The following GRK1 variants were observed in gnomAD, a reference collection of about 807,000 sequenced individuals.
The protein encoded by GRK1 is rhodopsin kinase GRK1.
Under a neutral mutation model 41.7 loss-of-function variants are expected in GRK1, and 28 were observed. That is an observed-to-expected ratio of 0.67 (90% CI 0.50 to 0.92). GRK1 has a LOEUF of 0.92. Among genes scored for constraint, GRK1 ranks in the 40% least tolerant of loss-of-function variants. The pLI, the probability that GRK1 is intolerant of heterozygous loss-of-function variation, is 0.00. For missense variants in GRK1, 703 were observed against 671.2 expected (o/e 1.05, Z -0.52); for synonymous variants, 327 against 286.7 (o/e 1.14, Z -1.42).
chr13:113,733,872 T>C (rs1309217537), intron 6 of GRK1, among the ~76,000 whole-genome samples: 3 of 121,614 alleles, frequency 2.5e-5, no homozygotes, highest in Admixed American at 8.1e-5. Context: ...CGTGTGTGCG[T>C]GTGTGCATAC....
intron 4 of GRK1, among the ~76,000 whole-genome samples, chr13:113,728,027 G>A (rs1322489981): frequency 1.3e-5 from 1 of 79,836 alleles, no homozygotes; most frequent in Non-Finnish European, 2.3e-5. Flanking sequence ...GAGTACCCAT[G>A]GCGATGAGGA....
At chr13:113,658,018 G>GA in the GRK1 span, 1 of 1,582,934 alleles carries the variant, frequency 6.3e-7, no homozygotes, top group Non-Finnish European at 8.6e-7. Flanking sequence ...CAGCCGGCCC[G>GA]CCCCCCGCAC....
At position 113,731,483 on chromosome 13, in the gene GRK1, C is replaced by T. The variant is rs999086411; in HGVS notation, c.1194+140C>T. On this transcript the variant is annotated intron_variant, in intron 5 of 6. Transcript: ENST00000335678. The surrounding 1 kb of genome is among the most constrained non-coding windows in gnomAD (Gnocchi z 5.6). ...CTGGGGTGGGGAGGGCACAGATTCA[C>T]GTGCTGGGGTCTTGCTCCTGGGCCA... 77 of 1,234,810 alleles carry T rather than the reference C, an allele frequency of 6.2e-5. No homozygotes were observed. Among genetic ancestry groups the T allele is most frequent in the Non-Finnish European group, 7.7e-5 (70 of 904,928 alleles). The allele number at this position is 1,234,810 out of a possible 1,614,324, so 76.5% of individuals were successfully genotyped here.
the GRK1 span, chr13:113,651,736 G>T: frequency 2.5e-6 from 4 of 1,613,472 alleles, no homozygotes; most frequent in Non-Finnish European, 3.4e-6. Context: ...ATCTAGAAGG[G>T]AAAAGCTTGA....
In GRK1 at chr13:113,731,396, G is replaced by C. The variant is rs189055264; in HGVS notation, c.1194+53G>C. 9.4e-5 allele frequency: 144 copies of C among 1,534,406 alleles called. No homozygotes were observed. In the African/African-American group the frequency reaches 1.8e-3, roughly 19 times the overall value. ...CAGCCACCTTGGCGCCCTGGCTCTC[G>C]ATGGGGACGGGGCAGTGATGGGATC... On this transcript the variant is annotated intron_variant, in intron 5 of 6. Transcript: ENST00000335678. The surrounding 1 kb of genome is among the most constrained non-coding windows in gnomAD (Gnocchi z 5.6).
the GRK1 span, among the ~76,000 whole-genome samples, chr13:113,654,299 G>C: frequency 6.6e-6 from 1 of 152,204 alleles, no homozygotes; most frequent in Non-Finnish European, 1.5e-5. Flanking sequence ...GCACACCGAT[G>C]GGGACGTCTG....
At position 113,668,342 on chromosome 13, in the gene GRK1, G is replaced by A. The variant is rs117198138; in HGVS notation, c.699+257G>A. On this transcript the variant is annotated intron_variant, in intron 1 of 6. Transcript: ENST00000335678. ...TGGGGACGTGCCACGTTCACTCGTCGGTTTTTCACCAACCACAGACTAGCC... is the reference window on the plus strand; with the variant it reads ...TGGGGACGTGCCACGTTCACTCGTCAGTTTTTCACCAACCACAGACTAGCC... 2.2e-3 allele frequency among the ~76,000 whole-genome samples: 329 copies of A among 152,346 alleles called. 1 individual carries two copies. The highest frequency in any genetic ancestry group is 4.4e-3 in the Admixed American group (68 of 15,300).
chr13:113,658,640 C>T, the GRK1 span, among the ~76,000 whole-genome samples: 1 of 152,176 alleles, frequency 6.6e-6, no homozygotes, highest in Non-Finnish European at 1.5e-5. Flanking sequence ...CCCCCCGCTG[C>T]GGCCGCCCCG....
the GRK1 span, chr13:113,654,916 A>G: frequency 6.2e-7 from 1 of 1,614,100 alleles, no homozygotes; most frequent in African/African-American, 1.3e-5. Context: ...ACCACGTAGA[A>G]GGCCACGTAG....
chr13:113,652,251 T>C, the GRK1 span, among the ~76,000 whole-genome samples: 1 of 152,164 alleles, frequency 6.6e-6, no homozygotes, highest in African/African-American at 2.4e-5. Context: ...GGGACCCCCG[T>C]CACAGCCCCT....
chr13:113,733,906 CATACA>C (rs2049974508), intron 6 of GRK1, among the ~76,000 whole-genome samples: 1 of 65,122 alleles, frequency 1.5e-5, no homozygotes, highest in South Asian at 4.5e-4. Flanking sequence ...TGTATGTGTG[CATACA>C]GTGTGCGTGT....
chr13:113,658,184 C>T, the GRK1 span: 4 of 1,573,796 alleles, frequency 2.5e-6, no homozygotes, highest in East Asian at 4.6e-5. Context: ...TCCCTGCACC[C>T]TCTACGCCCA....
chr13:113,663,423 C>G (rs1295219826), upstream of GRK1, among the ~76,000 whole-genome samples: 1 of 152,174 alleles, frequency 6.6e-6, no homozygotes, highest in East Asian at 1.9e-4. Context: ...TCTTCAAGAT[C>G]TGGGGCTGGA....
intron 4 of GRK1, among the ~76,000 whole-genome samples, chr13:113,725,321 A>AGAATT (rs1566695893): frequency 1.4e-5 from 2 of 144,116 alleles, no homozygotes; most frequent in African/African-American, 5.4e-5. Context: ...CAGGGGCGGG[A>AGAATT]TCCAGGGGCG....
At chr13:113,666,826 G>C (rs1373024313), upstream of GRK1, among the ~76,000 whole-genome samples, 1 of 152,150 alleles carries the variant, frequency 6.6e-6, no homozygotes, top group East Asian at 1.9e-4. Context: ...TTTCTCATTT[G>C]CTATTTTCTT....
intron 4 of GRK1, among the ~76,000 whole-genome samples, chr13:113,727,984 GTACCCAT>G (rs2049902791): frequency 2.3e-5 from 2 of 85,242 alleles, no homozygotes; most frequent in African/African-American, 6.4e-5. Flanking sequence ...GCGATGAGGA[GTACCCAT>G]GGCGATGAGT....
chr13:113,672,727 C>T, intron 3 of GRK1, among the ~76,000 whole-genome samples: 1 of 74,122 alleles, frequency 1.3e-5, no homozygotes, highest in East Asian at 5.1e-4. Flanking sequence ...TTGGGTTTTG[C>T]CAATATTGTG....
rs545044300 is a variant in GRK1, at chr13:113,671,206, C to T, written c.828-293C>T. ...GCCTCGGCCTGGCCCCTTCCTGAGA[C>T]GGTCTGGGCTGTTTCCTAGCACCTG... On this transcript the variant is annotated intron_variant, in intron 2 of 6. Coordinates refer to ENST00000335678, the MANE Select transcript of GRK1 (RefSeq NM_002929.3). This position sits in a 1 kb window ranked among gnomAD's most constrained non-coding sequence, Gnocchi z 4.1. Among the ~76,000 whole-genome samples the T allele has an allele frequency of 4.2e-4, 64 of 152,332 alleles. No individual in the cohort carries two copies. The highest frequency in any genetic ancestry group is 1.5e-3 in the African/African-American group (63 of 41,576).
At chr13:113,735,043 C>T (rs1012519515) in intron 6 of GRK1, 25 bp from the exon 7 acceptor site, 9 of 1,469,960 alleles carry the variant, frequency 6.1e-6, no homozygotes, top group East Asian at 5.1e-5. Context: ...AGGAGCCTGG[C>T]GTCTGTGTTT....
Sources: allele counts gnomAD v4.1 joint callset (sites outside exome capture counted in the v4.1 genomes callset), GRCh38; gene constraint gnomAD v4.1.1; non-coding constraint Gnocchi (gnomAD v3.1); transcripts MANE v1.5; gene names NCBI Gene and HGNC (gene_info 2026-07-23, HGNC 2026-07-21).